MTMR14: variants seen among roughly 807,000 people sequenced by gnomAD.
MTMR14 encodes phosphatidylinositol-3,5-bisphosphate 3-phosphatase MTMR14.
MTMR14 carries 48 observed loss-of-function variants against 86.3 expected under a neutral mutation model. The ratio of observed to expected loss-of-function variants is 0.56; its 90% CI spans 0.44 to 0.71. The LOEUF (loss-of-function observed/expected upper bound fraction) is 0.71. Among genes scored for constraint, MTMR14 ranks in the 30% least tolerant of loss-of-function variants. The pLI is 0.00. For missense variants in MTMR14, 780 were observed against 834.6 expected (o/e 0.93, Z 0.81); for synonymous variants, 366 against 326.1 (o/e 1.12, Z -1.32).
At chr3:9,686,697 C>T (rs1380918038) in intron 13 of MTMR14, among the ~76,000 whole-genome samples, 2 of 152,214 alleles carry the variant, frequency 1.3e-5, no homozygotes, top group Non-Finnish European at 2.9e-5. Flanking sequence ...ACCTGGGCAG[C>T]CCTCTCCTTG....
At chr3:9,667,485 A>C (rs1459074401) in intron 3 of MTMR14, among the ~76,000 whole-genome samples, 1 of 151,960 alleles carries the variant, frequency 6.6e-6, no homozygotes, top group Non-Finnish European at 1.5e-5. Context: ...TCAGATTTTC[A>C]AATTGCTTTT....
At chr3:9,672,539 T>C in intron 6 of MTMR14, 146 bp from the exon 7 acceptor site, 1 of 742,958 alleles carries the variant, frequency 1.3e-6, no homozygotes, top group Non-Finnish European at 2.4e-6. Flanking sequence ...TTGTACAAAG[T>C]AGGCACTGCT....
Position 9,683,228 on chromosome 3 carries a change from C to G in MTMR14, c.948C>G (p.Ser316=). 3 of 1,614,132 alleles carry G rather than the reference C, an allele frequency of 1.9e-6. No individual in the cohort carries two copies. Among genetic ancestry groups the G allele is most frequent in the Non-Finnish European group, 1.7e-6 (2 of 1,180,018 alleles). Residue 316 remains serine (S), a synonymous_variant, in exon 10 of 19, where the codon TCC becomes TCG. Transcript: ENST00000296003. ...QTQNYLKLLL[S]LVNSDDDSGL... The stretch of plus-strand genomic sequence containing the variant: ...AAAACTACCTGAAGCTGCTGCTTTC[C>G]TTAGTTAACAGTGATGGTGAGTCTG...
intron 17 of MTMR14, among the ~76,000 whole-genome samples, chr3:9,694,660 G>A (rs539680516): frequency 6.6e-6 from 1 of 152,328 alleles, no homozygotes; most frequent in South Asian, 2.1e-4. Context: ...GAGCCTGTAG[G>A]CTCTGTCATG....
chr3:9,688,363 C>T (rs576322452), intron 14 of MTMR14, among the ~76,000 whole-genome samples: 28 of 152,322 alleles, frequency 1.8e-4, no homozygotes, highest in African/African-American at 6.3e-4. Context: ...GCCTTAGGAC[C>T]CCTGTAAGAG....
At position 9,649,666 on chromosome 3, in the gene MTMR14, G is replaced by C. The variant is rs763987152; in HGVS notation, c.83G>C (p.Gly28Ala). 6.2e-7 allele frequency: 1 copy of C among 1,603,556 alleles called. No homozygotes were observed. The highest frequency in any genetic ancestry group is 1.1e-5 in the South Asian group (1 of 89,282). The change falls in exon 1 of 19, where the codon GGG becomes GCG. Residue 28 changes from glycine to alanine, a missense_variant. By Grantham distance (60) the Gly-to-Ala change is moderately conservative (BLOSUM62 0). Coordinates refer to ENST00000296003, the MANE Select transcript of MTMR14 (RefSeq NM_001077525.3). ...SSGNQPPQEL[G>A]LGELLEEFSR... is the part of the protein sequence containing the mutation. ...GGCAACCAGCCGCCTCAGGAGCTGG[G>C]GCTTGGGGAGCTGCTGGAGGAGTTC...
At chr3:9,659,096 A>G (rs899597859) in intron 2 of MTMR14, among the ~76,000 whole-genome samples, 2 of 152,186 alleles carry the variant, frequency 1.3e-5, no homozygotes, top group African/African-American at 4.8e-5. Context: ...TTAGCCAAGC[A>G]TCGTGGCATG....
In MTMR14 at chr3:9,689,217, C is replaced by CT; in HGVS notation, c.1433+136dup. 3.7e-6 allele frequency: 5 copies of CT among 1,343,828 alleles called. No homozygotes were observed. In the South Asian group the frequency reaches 6.3e-5, roughly 17 times the overall value. 83.2% of individuals were successfully genotyped at this position (1,343,828 alleles called of 1,614,324 possible). A position where few individuals can be genotyped will look rare whatever the true frequency, so the allele number is the denominator to read the frequency against. On this transcript the variant is annotated intron_variant, in intron 16 of 18. Transcript: ENST00000296003. ...CTGAGAGGATAGCTCCGTGCTCCTG[C>CT]TGTCTCTACTGGGCCTCAGAAGTCA...
Position 9,701,045 on chromosome 3 carries a change from C to G in MTMR14, c.1770-745C>G, listed in dbSNP as rs1338663941. Reference sequence around the variant, plus strand: ...TGTTGGCCAAGCTAGTCTCGAACTCCTGACCTGCCTCGGCCTCCCAAAGTG... The same window carrying G: ...TGTTGGCCAAGCTAGTCTCGAACTCGTGACCTGCCTCGGCCTCCCAAAGTG... On this transcript the variant is annotated intron_variant, in intron 18 of 18. Coordinates refer to ENST00000296003, the MANE Select transcript of MTMR14 (RefSeq NM_001077525.3). The surrounding 1 kb of genome is among the most constrained non-coding windows in gnomAD (Gnocchi z 4.2). 1 of 152,404 alleles carries G rather than the reference C, an allele frequency of 6.6e-6. No individual in the cohort carries two copies. The highest frequency in any genetic ancestry group is 2.4e-5 in the African/African-American group (1 of 41,444). The allele number at this position is 152,404 out of a possible 1,614,324, so 9.4% of individuals were successfully genotyped here. A position where few individuals can be genotyped will look rare whatever the true frequency, so the allele number is the denominator to read the frequency against.
At chr3:9,652,836 G>T (rs894489966) in intron 1 of MTMR14, among the ~76,000 whole-genome samples, 1 of 151,934 alleles carries the variant, frequency 6.6e-6, no homozygotes, top group Non-Finnish European at 1.5e-5. Context: ...CTAAAAATAT[G>T]AAAATTAGCC....
At chr3:9,654,953 T>G (rs2047511251) in intron 2 of MTMR14, among the ~76,000 whole-genome samples, 1 of 152,222 alleles carries the variant, frequency 6.6e-6, no homozygotes, top group African/African-American at 2.4e-5. Flanking sequence ...GAGCAGGAGT[T>G]TCCCTGAAAA....
At chr3:9,661,702 G>GTATA (rs1355867291) in intron 2 of MTMR14, among the ~76,000 whole-genome samples, 5 of 151,912 alleles carry the variant, frequency 3.3e-5, no homozygotes, top group Non-Finnish European at 7.4e-5. Flanking sequence ...TCTGAATTTT[G>GTATA]TATATGTCTT....
intron 7 of MTMR14, chr3:9,675,452 C>G (rs141440372): frequency 7.8e-6 from 3 of 386,786 alleles, no homozygotes; most frequent in Non-Finnish European, 1.6e-5. Flanking sequence ...CTTTGAGGCT[C>G]ATACAGGTAC....
rs1475468687 is a variant in MTMR14 at position 9,690,016 on chromosome 3, C to A, written c.1486C>A (p.Pro496Thr). The stretch of plus-strand genomic sequence containing the variant: ...GAGTGTCCTCTGGAACCGGCCACAA[C>A]CCTCAGAGGACCGCTTGCCTTCCCA... ...PQSVLWNRPQ[P>T]SEDRLPSQQG... The change falls in exon 17 of 19, where the codon CCC becomes ACC. Residue 496 changes from proline (P) to threonine (T), a missense_variant. By Grantham distance (38) the Pro-to-Thr change is conservative. Coordinates refer to ENST00000296003, the MANE Select transcript of MTMR14 (RefSeq NM_001077525.3). The A allele has an allele frequency of 2.5e-6, 4 of 1,612,170 alleles. No individual in the cohort carries two copies. Among genetic ancestry groups the A allele is most frequent in the Non-Finnish European group, 3.4e-6 (4 of 1,179,930 alleles).
intron 2 of MTMR14, among the ~76,000 whole-genome samples, chr3:9,657,606 G>A (rs1347088701): frequency 1.3e-5 from 2 of 151,888 alleles, no homozygotes; most frequent in Non-Finnish European, 2.9e-5. Context: ...GAGTGCAGTG[G>A]CGCAAGTGAT....
At chr3:9,675,046 G>A (rs2048779804) in intron 7 of MTMR14, among the ~76,000 whole-genome samples, 1 of 152,250 alleles carries the variant, frequency 6.6e-6, no homozygotes, top group Non-Finnish European at 1.5e-5. Context: ...AGGAGGCGGA[G>A]GTTGCAGTGA....
intron 9 of MTMR14, among the ~76,000 whole-genome samples, chr3:9,679,666 C>T (rs1029976520): frequency 2.6e-5 from 4 of 152,220 alleles, no homozygotes; most frequent in Admixed American, 2.6e-4. Flanking sequence ...AACAGATGAC[C>T]TCACTTCCCC....
At position 9,678,025 on chromosome 3, in the gene MTMR14, T is replaced by A. The variant is rs1200580913; in HGVS notation, c.864T>A (p.Thr288=). The change falls in exon 9 of 19, where the codon ACT becomes ACA. Residue 288 remains threonine, a synonymous_variant. Coordinates refer to ENST00000296003, the MANE Select transcript of MTMR14 (RefSeq NM_001077525.3). ...DAPLSIPDFL[T]HSLNIDWSQY... is the part of the protein sequence containing the mutation. ...CATTGAGCATCCCCGACTTCCTGAC[T>A]CACTCTCTGAACATTGACTGGAGCC... 5 of 1,614,078 alleles carry A rather than the reference T, an allele frequency of 3.1e-6. No homozygotes were observed. The highest frequency in any genetic ancestry group is 4.2e-6 in the Non-Finnish European group (5 of 1,180,006).
At chr3:9,653,976 T>C (rs2047456960) in intron 2 of MTMR14, 1 of 628,342 alleles carries the variant, frequency 1.6e-6, no homozygotes, top group South Asian at 1.8e-5. Context: ...CAGCCCTTGA[T>C]TGCTGTTTCA....
Sources: allele counts gnomAD v4.1 joint callset (sites outside exome capture counted in the v4.1 genomes callset), GRCh38; gene constraint gnomAD v4.1.1; non-coding constraint Gnocchi (gnomAD v3.1); transcripts MANE v1.5; gene names NCBI Gene and HGNC (gene_info 2026-07-23, HGNC 2026-07-21).